Variants in PICALM observed in about 807,000 individuals in gnomAD.
PICALM encodes the protein phosphatidylinositol-binding clathrin assembly protein.
PICALM carries 40 observed loss-of-function variants against 80.5 expected under a neutral mutation model. The observed-to-expected ratio is 0.50, with a 90% CI of 0.39 to 0.65. The LOEUF is 0.65. Ranked by LOEUF, PICALM falls within the 30% of genes least tolerant of loss-of-function variation. The pLI, the probability that PICALM is intolerant of heterozygous loss-of-function variation, is 0.00. For synonymous variants in PICALM, 288 were observed against 260.3 expected, an observed-to-expected ratio of 1.11 and a Z score of -1.02; for missense variants, 676 against 778.9, an observed-to-expected ratio of 0.87 and a Z score of 1.57.
intron 14 of PICALM, 21 bp from the exon 15 acceptor site, chr11:85,982,024 A>G: frequency 6.2e-7 from 1 of 1,610,254 alleles, no homozygotes; most frequent in Non-Finnish European, 8.5e-7. Context: ...CAAACAGACG[A>G]AATAGAATTT....
chr11:85,969,580 G>A (rs909000289), intron 19 of PICALM: 6 of 300,374 alleles, frequency 2.0e-5, no homozygotes, highest in African/African-American at 1.1e-4. Flanking sequence ...TTTTGGTTTC[G>A]GCTAGCATTC....
intron 1 of PICALM, among the ~76,000 whole-genome samples, chr11:86,061,103 C>G (rs568071975): frequency 6.6e-6 from 1 of 151,950 alleles, no homozygotes; most frequent in African/African-American, 2.4e-5. Flanking sequence ...CTGAAGCAGG[C>G]GGATCACCTG....
chr11:86,037,682 C>T (rs2136958878), intron 1 of PICALM, among the ~76,000 whole-genome samples: 1 of 141,842 alleles, frequency 7.1e-6, no homozygotes, highest in South Asian at 2.4e-4. Context: ...TTGGATAACA[C>T]AGCAAGACAC....
intron 3 of PICALM, among the ~76,000 whole-genome samples, chr11:86,025,444 T>C (rs191005347): frequency 1.1e-3 from 165 of 150,680 alleles, no homozygotes; most frequent in African/African-American, 3.8e-3. Context: ...AAGGAACAAT[T>C]CATCTCAACA....
chr11:86,006,786 A>C (rs557227222), intron 8 of PICALM, among the ~76,000 whole-genome samples: 1 of 152,380 alleles, frequency 6.6e-6, no homozygotes, highest in South Asian at 2.1e-4. Flanking sequence ...TCCGTAAAGA[A>C]AACAGAGAAT....
At chr11:86,049,292 C>CA (rs200548905) in intron 1 of PICALM, among the ~76,000 whole-genome samples, 1,667 of 150,828 alleles carry the variant, frequency 0.011, 38 homozygotes, top group African/African-American at 0.037. Context: ...AAAAAACAAA[C>CA]AAAAAAAAAC....
chr11:86,011,884 C>G (rs1277180362), intron 6 of PICALM, among the ~76,000 whole-genome samples: 1 of 142,592 alleles, frequency 7.0e-6, no homozygotes, highest in Non-Finnish European at 1.5e-5. Flanking sequence ...GAGTTTCGCT[C>G]TTGTTGCCCA....
intron 19 of PICALM, among the ~76,000 whole-genome samples, chr11:85,959,722 G>C (rs2093626071): frequency 6.7e-6 from 1 of 149,392 alleles, no homozygotes. Context: ...TAGGACTGCA[G>C]ACAGTCGCCA....
Position 86,043,428 on chromosome 11 carries a change from T to G in PICALM, c.131-11817A>C, listed in dbSNP as rs192073298. ...ACAAATTTCTTCTCAGAAAAATCAA[T>G]CTAAGGTCTTCTGGGGGAGTTAGAG... On this transcript the variant is annotated intron_variant, in intron 1 of 19. Coordinates refer to ENST00000393346, the MANE Select transcript of PICALM (RefSeq NM_007166.4). 2.2e-4 allele frequency among the ~76,000 whole-genome samples: 33 copies of G among 152,322 alleles called. No individual in the cohort carries two copies. In the East Asian group the frequency reaches 5.0e-3, roughly 23 times the overall value.
intron 7 of PICALM, among the ~76,000 whole-genome samples, chr11:86,008,937 G>GA (rs746652034): frequency 0.46 from 25,449 of 55,848 alleles, 3,102 homozygotes; most frequent in East Asian, 0.62. Context: ...CCAGAAAAAG[G>GA]AAAAAAAAAA....
intron 17 of PICALM, 169 bp from the exon 18 acceptor site, chr11:85,976,851 GTT>G: frequency 7.7e-6 from 4 of 521,310 alleles, no homozygotes; most frequent in Non-Finnish European, 1.4e-5. Flanking sequence ...GAAAAAAAGT[GTT>G]TTGAAATTAG....
In PICALM at chr11:86,042,660, C is replaced by CAAAAA. The variant is rs10648704; in HGVS notation, c.131-11054_131-11050dup. Among the ~76,000 whole-genome samples the CAAAAA allele has an allele frequency of 3.5e-5, 5 of 142,730 alleles. 1 individual carries two copies. Among genetic ancestry groups the CAAAAA allele is most frequent in the African/African-American group, 1.3e-4 (5 of 38,764 alleles). 93.6% of individuals were successfully genotyped at this position (142,730 alleles called of 152,430 possible). On this transcript the variant is annotated intron_variant, in intron 1 of 19. Coordinates refer to ENST00000393346, the MANE Select transcript of PICALM (RefSeq NM_007166.4). Reference sequence around the variant, plus strand: ...CCCAGTTAAATATCATCAGGACTCTCAAAAAAAAAAAAAAATCTAGTACTG... The same window carrying CAAAAA: ...CCCAGTTAAATATCATCAGGACTCTCAAAAAAAAAAAAAAAAAAAATCTAGTACTG...
chr11:85,965,807 GTTTTTTTGTTTTT>G (rs1265851080), intron 19 of PICALM, among the ~76,000 whole-genome samples: 30 of 79,260 alleles, frequency 3.8e-4, no homozygotes, highest in South Asian at 1.8e-3. Flanking sequence ...TACCCATTTT[GTTTTTTTGTTTTT>G]TTTTTTTTTT....
In PICALM at chr11:85,996,827, TC is replaced by T; in HGVS notation, c.1256del (p.Gly419GlufsTer8). 1.3e-6 allele frequency: 2 copies of T among 1,549,952 alleles called. No individual in the cohort carries two copies. Among genetic ancestry groups the T allele is most frequent in the Non-Finnish European group, 1.8e-6 (2 of 1,122,598 alleles). ...STASQVASTW[G>X]DPFSATVDAV... ...AAAATAGAATTCATCAATGCTTACC[TC>T]CCCATGTACTTGCTACCTGAGAAGC... On this transcript the variant is annotated frameshift_variant and splice_region_variant, in exon 12 of 20. Transcript: ENST00000393346. LOFTEE classifies it high-confidence loss of function.
rs370710573 is a variant in PICALM, at chr11:85,974,796, C to T, written c.1856G>A (p.Ser619Asn). 5.1e-5 allele frequency: 82 copies of T among 1,612,758 alleles called. No homozygotes were observed. The highest frequency in any genetic ancestry group is 6.7e-5 in the Non-Finnish European group (79 of 1,178,902). The change falls in exon 19 of 20, where the codon AGT becomes AAT. Residue 619 changes from serine to asparagine, a missense_variant. Ser to Asn is a conservative substitution (Grantham distance 46). Transcript: ENST00000393346. ...IGYGIPPQMG[S>N]VPVMTQPTLI... The stretch of plus-strand genomic sequence containing the variant: ...GGTTGGTTGCGTCATTACAGGAACA[C>T]TTCCCATTTGTGGAGGCTAAAAAAG...
chr11:86,050,389 A>G (rs2096165337), intron 1 of PICALM, among the ~76,000 whole-genome samples: 1 of 152,170 alleles, frequency 6.6e-6, no homozygotes, highest in Non-Finnish European at 1.5e-5. Flanking sequence ...CTGGTACACA[A>G]AAGTTTATAA....
rs756382757 is a variant in PICALM at position 86,068,791 on chromosome 11, C to A, written c.-11G>T. ...GCTCTGGCCGGACATCTCTGCAGCT[C>A]CTCCACCACCCCACCCGCTCAGCAG... is the stretch of plus-strand genomic sequence containing the variant. On this transcript the variant is annotated 5_prime_UTR_variant, in exon 1 of 20. Transcript: ENST00000393346. 13 of 1,598,520 alleles carry A rather than the reference C, an allele frequency of 8.1e-6. No individual in the cohort carries two copies. The highest frequency in any genetic ancestry group is 9.4e-6 in the Non-Finnish European group (11 of 1,175,680).
At chr11:85,978,089 C>G in intron 17 of PICALM, 1 of 1,612,648 alleles carries the variant, frequency 6.2e-7, no homozygotes, top group Non-Finnish European at 8.5e-7. Flanking sequence ...AAAATGCATG[C>G]CATTCTGTTT....
chr11:86,062,266 CA>C (rs889215174), intron 1 of PICALM, among the ~76,000 whole-genome samples: 1 of 152,184 alleles, frequency 6.6e-6, no homozygotes, highest in Non-Finnish European at 1.5e-5. Flanking sequence ...CCTGTAATCC[CA>C]ACACTTTGGG....
Sources: gnomAD v4.1 joint callset for allele counts (sites outside exome capture counted in the v4.1 genomes callset) on GRCh38, gnomAD v4.1.1 for gene constraint, MANE v1.5 for transcripts, NCBI Gene and HGNC (gene_info 2026-07-23, HGNC 2026-07-21) for gene names.